DSCAML1: variants seen among roughly 807,000 people sequenced by gnomAD.
DSCAML1 encodes cell adhesion molecule DSCAML1.
DSCAML1 carries 38 observed loss-of-function variants against 200.5 expected under a neutral mutation model. The observed-to-expected ratio is 0.19, with a 90% confidence interval of 0.15 to 0.25. The LOEUF is 0.25. Ranked by LOEUF, DSCAML1 falls within the 10% of genes least tolerant of loss-of-function variation. The pLI is 1.00. For missense variants in DSCAML1, 2,223 were observed against 2,858.8 expected (o/e 0.78, Z 5.07); for synonymous variants, 1,215 against 1,165.0 (o/e 1.04, Z -0.87).
intron 11 of DSCAML1, among the ~76,000 whole-genome samples, chr11:117,494,262 T>C (rs938257799): frequency 6.6e-6 from 1 of 152,192 alleles, no homozygotes; most frequent in Non-Finnish European, 1.5e-5. Flanking sequence ...TTGTGGGCCA[T>C]AGGTCTCCGT....
chr11:117,591,432 G>A (rs1052465885), intron 3 of DSCAML1, among the ~76,000 whole-genome samples: 3 of 152,218 alleles, frequency 2.0e-5, no homozygotes, highest in Non-Finnish European at 4.4e-5. Flanking sequence ...TCTGCTAGGA[G>A]ACATCTGTTC....
intron 3 of DSCAML1, among the ~76,000 whole-genome samples, chr11:117,558,485 G>C (rs1392095065): frequency 6.6e-6 from 1 of 152,196 alleles, no homozygotes; most frequent in Non-Finnish European, 1.5e-5. Context: ...AAAGATAATG[G>C]CTGGGCACGG....
intron 1 of DSCAML1, among the ~76,000 whole-genome samples, chr11:117,816,681 C>T (rs544500925): frequency 6.6e-6 from 1 of 152,296 alleles, no homozygotes; most frequent in South Asian, 2.1e-4. Flanking sequence ...CCTCCACTCC[C>T]ACCCGTCTGT....
rs552479562 is a variant in DSCAML1 at position 117,532,355 on chromosome 11, T to A, written c.658+21A>T. On this transcript the variant is annotated intron_variant, in intron 4 of 32. Transcript: ENST00000651296. ...CCTCCCTTCCCAGCCTGCCCCGTTC[T>A]CCCCAGGCCCTCTCCCCTACCTGTC... 14 of 1,606,848 alleles carry A rather than the reference T, an allele frequency of 8.7e-6. No individual in the cohort carries two copies. In the African/African-American group the frequency reaches 1.7e-4, roughly 20 times the overall value.
At chr11:117,649,047 G>T (rs796936337) in intron 3 of DSCAML1, among the ~76,000 whole-genome samples, 1 of 129,708 alleles carries the variant, frequency 7.7e-6, no homozygotes, top group Non-Finnish European at 1.6e-5. Context: ...ATATATGTGT[G>T]TGTGTGTGTG....
intron 3 of DSCAML1, among the ~76,000 whole-genome samples, chr11:117,587,524 T>G (rs1415943304): frequency 6.6e-6 from 1 of 151,956 alleles, no homozygotes; most frequent in African/African-American, 2.4e-5. Flanking sequence ...CTATCTCCTC[T>G]AGGGAGCCCA....
At chr11:117,709,806 C>T in intron 3 of DSCAML1, 3 of 453,824 alleles carry the variant, frequency 6.6e-6, no homozygotes, top group South Asian at 4.7e-5. Flanking sequence ...AAGAATGGAC[C>T]CTAGGGAGCT....
intron 20 of DSCAML1, among the ~76,000 whole-genome samples, chr11:117,447,000 T>G (rs551472673): frequency 6.6e-6 from 1 of 152,200 alleles, no homozygotes; most frequent in South Asian, 2.1e-4. Flanking sequence ...CAAGATCATG[T>G]TTTAGGTCAG....
Position 117,518,725 on chromosome 11 carries a change from C to G in DSCAML1, c.1251G>C (p.Lys417Asn). Residue 417 changes from lysine to asparagine, a missense_variant, in exon 7 of 33, where the codon AAG becomes AAC. Lys to Asn is a moderately conservative substitution (Grantham distance 94). Around this residue, in one of 7 missense-constraint regions of DSCAML1, gnomAD observed 579 missense variants for 721.5 expected, o/e 0.80. Coordinates refer to ENST00000651296, the MANE Select transcript of DSCAML1 (RefSeq NM_020693.4). This position sits in a 1 kb window ranked among gnomAD's most constrained non-coding sequence, Gnocchi z 6.3. ...AGAACTGCTCCCCGGGGTTGACCAC[C>G]TTCTCGCTGAAGGACGAGACGATGC... ...TPRIVSSFSE[K>N]VVNPGEQFSL... 6.2e-7 allele frequency: 1 copy of G among 1,612,908 alleles called. No homozygotes were observed. Among genetic ancestry groups the G allele is most frequent in the Non-Finnish European group, 8.5e-7 (1 of 1,179,998 alleles).
chr11:117,613,449 T>A lies in DSCAML1; in HGVS notation c.512-80927A>T, dbSNP rs145950019. Among the ~76,000 whole-genome samples the A allele has an allele frequency of 2.2e-3, 333 of 152,148 alleles. 3 individuals are homozygous for A. The highest frequency in any genetic ancestry group is 7.7e-3 in the African/African-American group (319 of 41,486). ...GGAATAATAGGGTGCGCTCTCCTCTTCTCCATGCTCAAAAAACAATACACT... is the reference window on the plus strand; with the variant it reads ...GGAATAATAGGGTGCGCTCTCCTCTACTCCATGCTCAAAAAACAATACACT... On this transcript the variant is annotated intron_variant, in intron 3 of 32. Coordinates refer to ENST00000651296, the MANE Select transcript of DSCAML1 (RefSeq NM_020693.4).
At chr11:117,783,934 A>G (rs2055306632) in intron 1 of DSCAML1, among the ~76,000 whole-genome samples, 2 of 150,984 alleles carry the variant, frequency 1.3e-5, no homozygotes, top group Admixed American at 1.3e-4. Flanking sequence ...GGCCCCCTCT[A>G]CTCCCTCCAG....
intron 18 of DSCAML1, 124 bp from the exon 19 acceptor site, chr11:117,459,033 G>T: frequency 1.6e-6 from 2 of 1,253,608 alleles, no homozygotes; most frequent in South Asian, 1.4e-5. Context: ...CCATGGTGGC[G>T]AGGACTAGAG....
rs112451090 is a variant in DSCAML1, at chr11:117,547,666, C to G, written c.512-15144G>C. Among the ~76,000 whole-genome samples the G allele has an allele frequency of 3.3e-3, 498 of 152,332 alleles. 8 individuals carry two copies. Among genetic ancestry groups the G allele is most frequent in the African/African-American group, 0.011 (476 of 41,568 alleles). On this transcript the variant is annotated intron_variant, in intron 3 of 32. Coordinates refer to ENST00000651296, the MANE Select transcript of DSCAML1 (RefSeq NM_020693.4). ...CACCCCGCGTGCTATAAAGGCCGCTCTGCTGCCGTTTAGCAAGCAGCTACT... is the reference window on the plus strand; with the variant it reads ...CACCCCGCGTGCTATAAAGGCCGCTGTGCTGCCGTTTAGCAAGCAGCTACT...
chr11:117,775,546 T>A (rs2055115718), intron 3 of DSCAML1, among the ~76,000 whole-genome samples: 1 of 152,066 alleles, frequency 6.6e-6, no homozygotes, highest in Admixed American at 6.5e-5. Flanking sequence ...GGCCATCTGC[T>A]TGGAACTGAG....
At chr11:117,630,735 A>G (rs2052156138) in intron 3 of DSCAML1, among the ~76,000 whole-genome samples, 1 of 150,816 alleles carries the variant, frequency 6.6e-6, no homozygotes, top group African/African-American at 2.4e-5. Flanking sequence ...CAGGAAGCCA[A>G]GTGACTCCAG....
At chr11:117,579,718 G>A (rs1264915152) in intron 3 of DSCAML1, among the ~76,000 whole-genome samples, 1 of 152,188 alleles carries the variant, frequency 6.6e-6, no homozygotes, top group African/African-American at 2.4e-5. Flanking sequence ...TATGCAGTCA[G>A]TGACTTCATT....
At position 117,492,161 on chromosome 11, in the gene DSCAML1, C is replaced by A. The variant is rs1356077208; in HGVS notation, c.2360-9999G>T. On this transcript the variant is annotated intron_variant, in intron 11 of 32. Transcript: ENST00000651296. ...TTCTCACGTGGTTTGGAGAAGAACC[C>A]CAGGGCTGGATGAGCCCTCCTCTAC... Among the ~76,000 whole-genome samples the A allele has an allele frequency of 2.0e-5, 3 of 152,264 alleles. No individual in the cohort carries two copies. The East Asian group carries it at 5.8e-4, about 29-fold the overall frequency.
chr11:117,468,919 G>T (rs1439222910), intron 16 of DSCAML1, among the ~76,000 whole-genome samples: 3 of 152,356 alleles, frequency 2.0e-5, no homozygotes, highest in East Asian at 3.9e-4. Flanking sequence ...GAGTCAGAAA[G>T]TCACCGTGGA....
At chr11:117,547,635 C>T (rs1041337646) in intron 3 of DSCAML1, among the ~76,000 whole-genome samples, 6 of 152,208 alleles carry the variant, frequency 3.9e-5, no homozygotes, top group African/African-American at 1.4e-4. Flanking sequence ...ACCTTCCCTC[C>T]CCCAACACCC....
Sources: gnomAD v4.1 joint callset for allele counts (sites outside exome capture counted in the v4.1 genomes callset) on GRCh38, gnomAD v4.1.1 for gene constraint, gnomAD v4.1.1 regional missense constraint, Gnocchi (gnomAD v3.1) non-coding constraint, MANE v1.5 for transcripts, NCBI Gene and HGNC (gene_info 2026-07-23, HGNC 2026-07-21) for gene names.